IL1RAPL1: variants seen among roughly 807,000 people sequenced by gnomAD.
IL1RAPL1 encodes interleukin-1 receptor accessory protein-like 1.
IL1RAPL1 carries 3 observed loss-of-function variants against 48.4 expected under a neutral mutation model. The ratio of observed to expected loss-of-function variants is 0.06; its 90% confidence interval spans 0.03 to 0.16. The LOEUF (loss-of-function observed/expected upper bound fraction) is 0.16, where lower values mean the gene tolerates loss of function less well. Among genes scored for constraint, IL1RAPL1 ranks in the 10% least tolerant of loss-of-function variants. The pLI is 1.00. For missense variants in IL1RAPL1, 349 were observed against 530.6 expected, an observed-to-expected ratio of 0.66 and a Z score of 3.36; for synonymous variants, 185 against 187.7, an observed-to-expected ratio of 0.99 and a Z score of 0.12.
chrX:28,844,244 C>G (rs1341524261), intron 2 of IL1RAPL1, among the ~76,000 whole-genome samples: 1 of 105,219 alleles, frequency 9.5e-6, no homozygotes, highest in Non-Finnish European at 2.0e-5. Context: ...GGAACGTAAA[C>G]CCCCACCAAA....
chrX:29,430,605 GTGTGTGTGTGTA>G (rs1227951781), intron 5 of IL1RAPL1, among the ~76,000 whole-genome samples: 1 of 109,661 alleles, frequency 9.1e-6, no homozygotes, highest in Admixed American at 9.9e-5. Context: ...GTGTGTGTGT[GTGTGTGTGTGTA>G]TGTGTATGTT....
chrX:29,267,597 A>G (rs1445569452), intron 2 of IL1RAPL1, among the ~76,000 whole-genome samples: 1 of 111,495 alleles, frequency 9.0e-6, no homozygotes, highest in African/African-American at 3.3e-5. Context: ...TATTTCTAAT[A>G]GTGGAAGAAT....
chrX:29,887,619 T>C (rs1932192529), intron 6 of IL1RAPL1, among the ~76,000 whole-genome samples: 1 of 111,992 alleles, frequency 8.9e-6, no homozygotes, highest in Non-Finnish European at 1.9e-5. Context: ...TTAACAGACT[T>C]TGTATAACTA....
chrX:28,627,377 C>T (rs990636757), intron 1 of IL1RAPL1, among the ~76,000 whole-genome samples: 3 of 111,644 alleles, frequency 2.7e-5, no homozygotes, highest in African/African-American at 9.8e-5. Context: ...CTCTGTCGCT[C>T]GCTAATGCAG....
At position 29,118,858 on chromosome X, in the gene IL1RAPL1, G is replaced by A. The variant is rs372908201; in HGVS notation, c.83-164080G>A. 3.6e-5 allele frequency among the ~76,000 whole-genome samples: 4 copies of A among 111,551 alleles called. No homozygotes were observed. In the East Asian group the frequency reaches 8.4e-4, roughly 23 times the overall value. On this transcript the variant is annotated intron_variant, in intron 2 of 10. Transcript: ENST00000378993. ...TTTTGAAACAAGTTTACCTAGATTT[G>A]CAACAATATATGTTAGAAACTGTTT...
chrX:29,480,099 CG>C (rs1935023281), intron 5 of IL1RAPL1, among the ~76,000 whole-genome samples: 1 of 108,239 alleles, frequency 9.2e-6, no homozygotes, highest in Non-Finnish European at 1.9e-5. Flanking sequence ...TCTTTGTCCT[CG>C]TATGTTCCCT....
chrX:29,550,442 G>T (rs1173354378), intron 5 of IL1RAPL1, among the ~76,000 whole-genome samples: 1 of 111,775 alleles, frequency 8.9e-6, no homozygotes, highest in Non-Finnish European at 1.9e-5. Context: ...GCCTCCCAAA[G>T]TGCTAGGATT....
At chrX:29,806,116 T>C (rs944978357) in intron 6 of IL1RAPL1, among the ~76,000 whole-genome samples, 7 of 110,890 alleles carry the variant, frequency 6.3e-5, no homozygotes, top group Admixed American at 9.6e-5. Context: ...GGGGGCAATA[T>C]ATTTGAATAA....
At chrX:28,883,197 A>G (rs1922547036) in intron 2 of IL1RAPL1, among the ~76,000 whole-genome samples, 1 of 112,242 alleles carries the variant, frequency 8.9e-6, no homozygotes, top group South Asian at 3.6e-4. Flanking sequence ...GCATGTATTC[A>G]TATCTTTTAA....
intron 2 of IL1RAPL1, among the ~76,000 whole-genome samples, chrX:29,275,447 C>A (rs1602147028): frequency 8.9e-6 from 1 of 112,049 alleles, no homozygotes; most frequent in East Asian, 2.8e-4. Context: ...TATTTCAGAA[C>A]CTTACCATAT....
chrX:29,625,453 A>G (rs1480693681), intron 5 of IL1RAPL1, among the ~76,000 whole-genome samples: 2 of 111,978 alleles, frequency 1.8e-5, no homozygotes, highest in Admixed American at 1.9e-4. Context: ...TTTCCCTAGA[A>G]TGTACTGGAC....
At chrX:29,715,506 T>TTGCC (rs756137416) in intron 6 of IL1RAPL1, among the ~76,000 whole-genome samples, 51 of 111,823 alleles carry the variant, frequency 4.6e-4, no homozygotes, top group Non-Finnish European at 8.8e-4. Context: ...GAGTGACTGA[T>TTGCC]TGCCACAAGC....
At chrX:29,635,795 GA>G (rs199689857) in intron 5 of IL1RAPL1, among the ~76,000 whole-genome samples, 11,879 of 97,695 alleles carry the variant, frequency 0.12, 567 homozygotes, top group East Asian at 0.23. Flanking sequence ...GATGCTTCCG[GA>G]AAAAAAAAAA....
At chrX:28,782,304 G>A (rs779413673) in intron 1 of IL1RAPL1, among the ~76,000 whole-genome samples, 1 of 111,099 alleles carries the variant, frequency 9.0e-6, no homozygotes, top group Non-Finnish European at 1.9e-5. Context: ...TTTGAATTTT[G>A]ACTAGAAGTG....
Position 28,770,517 on chromosome X carries a change from C to T in IL1RAPL1, c.-24-18803C>T, listed in dbSNP as rs145867083. 3.1e-3 allele frequency among the ~76,000 whole-genome samples: 345 copies of T among 112,027 alleles called. 2 individuals are homozygous for T. The highest frequency in any genetic ancestry group is 5.1e-3 in the Admixed American group (54 of 10,597). On this transcript the variant is annotated intron_variant, in intron 1 of 10. Coordinates refer to ENST00000378993, the MANE Select transcript of IL1RAPL1 (RefSeq NM_014271.4). The stretch of plus-strand genomic sequence containing the variant: ...TGGACTTAAAGTGCTATCCTTCCAA[C>T]GTGTATAATAGTTTTTAAATGCAAT...
chrX:29,190,447 A>G (rs974045617), intron 2 of IL1RAPL1, among the ~76,000 whole-genome samples: 2 of 112,335 alleles, frequency 1.8e-5, no homozygotes, highest in African/African-American at 6.5e-5. Context: ...GATTCTACTG[A>G]TATTAACTTA....
chrX:29,791,995 T>G (rs1929649283), intron 6 of IL1RAPL1, among the ~76,000 whole-genome samples: 1 of 111,225 alleles, frequency 9.0e-6, no homozygotes, highest in Non-Finnish European at 1.9e-5. Flanking sequence ...CCTCCCAAAG[T>G]GCTGAGATTA....
At chrX:28,847,603 C>T (rs777321026) in intron 2 of IL1RAPL1, among the ~76,000 whole-genome samples, 5 of 111,002 alleles carry the variant, frequency 4.5e-5, no homozygotes, top group Admixed American at 9.6e-5. Context: ...GGGCACAAGG[C>T]TCCTCTGTTA....
At chrX:28,749,927 GAAAA>G (rs1190431997) in intron 1 of IL1RAPL1, among the ~76,000 whole-genome samples, 1 of 103,107 alleles carries the variant, frequency 9.7e-6, no homozygotes, top group Non-Finnish European at 2.0e-5. Context: ...GAAAAAAAAA[GAAAA>G]AAAAAGAAAA....
Sources: allele counts gnomAD v4.1 joint callset (sites outside exome capture counted in the v4.1 genomes callset), GRCh38; gene constraint gnomAD v4.1.1; transcripts MANE v1.5; gene names NCBI Gene and HGNC (gene_info 2026-07-23, HGNC 2026-07-21).